The following LRRC4C variants were observed in gnomAD, a reference collection of about 807,000 sequenced individuals.
LRRC4C encodes the protein leucine rich repeat containing 4C.
LRRC4C carries 5 observed loss-of-function variants against 33.6 expected under a neutral mutation model. That is an observed-to-expected ratio of 0.15 (90% CI 0.08 to 0.31). The LOEUF is 0.31. Among genes scored for constraint, LRRC4C ranks in the 10% least tolerant of loss-of-function variants. The pLI, the probability that LRRC4C is intolerant of heterozygous loss-of-function variation, is 1.00. For missense variants in LRRC4C, 560 were observed against 796.7 expected (o/e 0.70, Z 3.58); for synonymous variants, 329 against 302.0 (o/e 1.09, Z -0.93).
chr11:40,240,381 C>T lies in LRRC4C; in HGVS notation c.-96+1138G>A, dbSNP rs570617811. Among the ~76,000 whole-genome samples the T allele has an allele frequency of 8.5e-5, 13 of 152,160 alleles. No homozygotes were observed. The South Asian group carries it at 1.5e-3, about 17-fold the overall frequency. On this transcript the variant is annotated intron_variant, in intron 5 of 6. Transcript: ENST00000528697. ...ACCTCCATGTCTAATGGTTTGAAGA[C>T]GCAGACAGCTTCCGTCTATAGTCAA...
At chr11:40,566,281 T>A (rs1253988135) in intron 3 of LRRC4C, among the ~76,000 whole-genome samples, 1 of 151,888 alleles carries the variant, frequency 6.6e-6, no homozygotes, top group Admixed American at 6.6e-5. Context: ...AAATATTATA[T>A]AATTCATATT....
At chr11:40,637,115 G>T (rs1168004198) in intron 3 of LRRC4C, among the ~76,000 whole-genome samples, 1 of 152,128 alleles carries the variant, frequency 6.6e-6, no homozygotes, top group East Asian at 1.9e-4. Context: ...CTAACTCTAG[G>T]AACATTTTAA....
chr11:40,410,379 T>C (rs1163705510), intron 3 of LRRC4C, among the ~76,000 whole-genome samples: 1 of 151,966 alleles, frequency 6.6e-6, no homozygotes, highest in African/African-American at 2.4e-5. Flanking sequence ...ATCATCAAAG[T>C]TTAATATGTA....
At chr11:40,325,609 C>T (rs367676766) in intron 3 of LRRC4C, among the ~76,000 whole-genome samples, 1 of 149,722 alleles carries the variant, frequency 6.7e-6, no homozygotes. Context: ...CCCTGGGCAA[C>T]AGAGCAAGGC....
chr11:41,264,767 G>A (rs539899427), intron 1 of LRRC4C, among the ~76,000 whole-genome samples: 2 of 152,282 alleles, frequency 1.3e-5, no homozygotes, highest in East Asian at 1.9e-4. Flanking sequence ...GGTAGAAAGA[G>A]AGGATAGACA....
intron 3 of LRRC4C, among the ~76,000 whole-genome samples, chr11:40,521,741 C>T (rs1463638297): frequency 2.0e-5 from 3 of 151,864 alleles, no homozygotes; most frequent in South Asian, 2.1e-4. Context: ...TTGTGGTGTG[C>T]GCCTGTAGTC....
chr11:40,847,651 G>A, intron 2 of LRRC4C, among the ~76,000 whole-genome samples: 1 of 152,224 alleles, frequency 6.6e-6, no homozygotes, highest in Non-Finnish European at 1.5e-5. Context: ...TCGTGATGAT[G>A]TTGGCCTCAT....
chr11:41,409,158 G>T (rs1954362987), intron 1 of LRRC4C, among the ~76,000 whole-genome samples: 1 of 152,038 alleles, frequency 6.6e-6, no homozygotes, highest in African/African-American at 2.4e-5. Flanking sequence ...ATATTCAGGG[G>T]CAACCTCTTG....
intron 2 of LRRC4C, among the ~76,000 whole-genome samples, chr11:40,712,710 A>G (rs1476951764): frequency 2.0e-5 from 3 of 152,100 alleles, no homozygotes; most frequent in Admixed American, 2.0e-4. Context: ...ACCTTAAAAA[A>G]CCTTTACAAA....
chr11:40,566,226 T>A (rs528851791), intron 3 of LRRC4C, among the ~76,000 whole-genome samples: 2 of 151,686 alleles, frequency 1.3e-5, no homozygotes, highest in South Asian at 4.2e-4. Flanking sequence ...GGATATTCAA[T>A]TGGATTTGCT....
At chr11:40,748,917 T>A (rs548982869) in intron 2 of LRRC4C, among the ~76,000 whole-genome samples, 2 of 152,134 alleles carry the variant, frequency 1.3e-5, no homozygotes, top group East Asian at 3.9e-4. Flanking sequence ...AAGGGATCAC[T>A]GCAGCAAGAG....
chr11:40,866,500 G>T (rs1335748667), intron 2 of LRRC4C, among the ~76,000 whole-genome samples: 1 of 152,014 alleles, frequency 6.6e-6, no homozygotes, highest in Non-Finnish European at 1.5e-5. Context: ...TGTGGTTGGG[G>T]TCATCATTAA....
At chr11:40,513,264 A>AG (rs1565462238) in intron 3 of LRRC4C, among the ~76,000 whole-genome samples, 1 of 151,576 alleles carries the variant, frequency 6.6e-6, no homozygotes. Flanking sequence ...AAAAAAAAAA[A>AG]AAAAAGAAAA....
chr11:41,376,836 AATAG>A (rs147348694), intron 1 of LRRC4C, among the ~76,000 whole-genome samples: 3,220 of 152,272 alleles, frequency 0.021, 64 homozygotes, highest in South Asian at 0.044. Flanking sequence ...ATAGAAAGAA[AATAG>A]ATAGATACAC....
intron 3 of LRRC4C, among the ~76,000 whole-genome samples, chr11:40,450,097 T>C (rs1175525016): frequency 4.6e-5 from 7 of 152,182 alleles, no homozygotes; most frequent in Admixed American, 3.3e-4. Context: ...ATTGTTATTA[T>C]AGCAATCCCT....
chr11:40,956,602 A>T (rs1384908853), intron 1 of LRRC4C, among the ~76,000 whole-genome samples: 1 of 151,832 alleles, frequency 6.6e-6, no homozygotes, highest in Non-Finnish European at 1.5e-5. Context: ...AGAAATTGGA[A>T]TAAATTGAAA....
intron 1 of LRRC4C, among the ~76,000 whole-genome samples, chr11:41,115,107 C>T (rs1942046303): frequency 6.6e-6 from 1 of 151,940 alleles, no homozygotes; most frequent in Non-Finnish European, 1.5e-5. Context: ...AAGTTATAAA[C>T]ATTAAAAATG....
chr11:41,448,642 A>G (rs1955918802), intron 1 of LRRC4C, among the ~76,000 whole-genome samples: 1 of 152,140 alleles, frequency 6.6e-6, no homozygotes, highest in Non-Finnish European at 1.5e-5. Flanking sequence ...ATTCTTATAC[A>G]TGCAAACACA....
At chr11:40,532,153 G>T (rs1956296515) in intron 3 of LRRC4C, among the ~76,000 whole-genome samples, 1 of 150,886 alleles carries the variant, frequency 6.6e-6, no homozygotes. Context: ...TCACAAAGCT[G>T]GTATGTATTG....
Sources: gnomAD v4.1 joint callset for allele counts (sites outside exome capture counted in the v4.1 genomes callset) on GRCh38, gnomAD v4.1.1 for gene constraint, MANE v1.5 for transcripts, NCBI Gene and HGNC (gene_info 2026-07-23, HGNC 2026-07-21) for gene names.